IL34: variants seen among roughly 807,000 people sequenced by gnomAD.
IL34 encodes the protein interleukin 34.
In IL34, 17 loss-of-function variants were observed where a neutral mutation model predicts 25.3. That is an observed-to-expected ratio of 0.67 (90% CI 0.46 to 1.01). IL34 has a LOEUF of 1.01. Among genes scored for constraint, IL34 ranks in the 50% least tolerant of loss-of-function variants. The pLI, the probability that IL34 is intolerant of heterozygous loss-of-function variation, is 0.00. For synonymous variants in IL34, 174 were observed against 140.9 expected, an observed-to-expected ratio of 1.23 and a Z score of -1.66; for missense variants, 368 against 312.9, an observed-to-expected ratio of 1.18 and a Z score of -1.33.
intron 1 of IL34, among the ~76,000 whole-genome samples, chr16:70,624,184 A>G (rs1194070732): frequency 1.3e-5 from 2 of 152,006 alleles, no homozygotes; most frequent in Non-Finnish European, 2.9e-5. Context: ...GACGCGGCTT[A>G]GGAGGAATCC....
At chr16:70,639,928 A>G (rs573576329) in intron 1 of IL34, among the ~76,000 whole-genome samples, 1 of 152,176 alleles carries the variant, frequency 6.6e-6, no homozygotes, top group East Asian at 1.9e-4. Context: ...TCTGCACTCC[A>G]GCCTGGGTGA....
chr16:70,590,053 C>T (rs936119402), intron 1 of IL34, among the ~76,000 whole-genome samples: 20 of 152,196 alleles, frequency 1.3e-4, no homozygotes, highest in African/African-American at 4.6e-4. Context: ...TTTCTGCCTT[C>T]GGGGAGGTGT....
In IL34 at chr16:70,660,391, C is replaced by T. The variant is rs7206831; in HGVS notation, c.*204C>T. ...ATAGCTGTCATGGCCTCACCTGGAG[C>T]GGAGGGGACCTGGGGACCTGAAGGT... On this transcript the variant is annotated 3_prime_UTR_variant, in exon 6 of 6. Coordinates refer to ENST00000288098, the MANE Select transcript of IL34 (RefSeq NM_001393494.1). 5,236 of 511,066 alleles carry T rather than the reference C, an allele frequency of 0.01. 222 individuals carry two copies. The highest frequency in any genetic ancestry group is 0.093 in the African/African-American group (4,776 of 51,228). 31.7% of individuals were successfully genotyped at this position (511,066 alleles called of 1,614,324 possible).
intron 1 of IL34, among the ~76,000 whole-genome samples, chr16:70,580,904 T>C (rs1309220685): frequency 6.6e-6 from 1 of 152,148 alleles, no homozygotes; most frequent in Non-Finnish European, 1.5e-5. Flanking sequence ...GTGTTCTGCT[T>C]TTAAACTTTG....
upstream of IL34, among the ~76,000 whole-genome samples, chr16:70,644,810 AAGGAGGAAGGG>A (rs1409543335): frequency 1.5e-5 from 2 of 134,078 alleles, no homozygotes; most frequent in Admixed American, 1.5e-4. Flanking sequence ...GAGGAATGAA[AAGGAGGAAGGG>A]AGGAGGAAGG....
intron 1 of IL34, among the ~76,000 whole-genome samples, chr16:70,650,584 A>G (rs1439722495): frequency 6.6e-6 from 1 of 152,220 alleles, no homozygotes; most frequent in Non-Finnish European, 1.5e-5. Flanking sequence ...CCCAGTGTGG[A>G]CAGAGGTACT....
intron 1 of IL34, among the ~76,000 whole-genome samples, chr16:70,599,652 C>T (rs1163825902): frequency 1.3e-5 from 2 of 150,002 alleles, no homozygotes; most frequent in Non-Finnish European, 3.0e-5. Flanking sequence ...GCTGGGATTA[C>T]AGGAATGAAC....
At chr16:70,650,917 T>C (rs2052061888) in intron 1 of IL34, among the ~76,000 whole-genome samples, 1 of 152,220 alleles carries the variant, frequency 6.6e-6, no homozygotes, top group Non-Finnish European at 1.5e-5. Context: ...GTGCAGTGTT[T>C]AACTGCGTTA....
chr16:70,623,598 A>T lies in IL34; in HGVS notation c.-400-22950A>T, dbSNP rs189948887. Among the ~76,000 whole-genome samples the T allele has an allele frequency of 2.5e-3, 387 of 152,160 alleles. 11 individuals carry two copies. The highest frequency in any genetic ancestry group is 0.024 in the Admixed American group (360 of 15,280). ...ATGAGATGGTAAGGGGTGCATGATC[A>T]GTCGCCAAGGAGGGAGTAGAGGTAT... On this transcript the variant is annotated intron_variant, in intron 1 of 6. Coordinates refer to the IL34 transcript ENST00000429149.
intron 1 of IL34, 87 bp from the exon 2 acceptor site, chr16:70,654,450 GA>G: frequency 6.7e-7 from 1 of 1,493,150 alleles, no homozygotes; most frequent in Non-Finnish European, 9.0e-7. Flanking sequence ...TATGCAAATG[GA>G]TGATGGTTGT....
intron 1 of IL34, among the ~76,000 whole-genome samples, chr16:70,634,000 A>G (rs976928422): frequency 6.6e-6 from 1 of 151,936 alleles, no homozygotes; most frequent in East Asian, 1.9e-4. Context: ...ACAGGCGTGC[A>G]CCACCACGCC....
At chr16:70,632,711 GTTTT>G (rs1228373827) in intron 1 of IL34, among the ~76,000 whole-genome samples, 7 of 152,098 alleles carry the variant, frequency 4.6e-5, no homozygotes, top group Admixed American at 6.6e-5. Context: ...AGAAGGGACA[GTTTT>G]TTTGTGACAG....
intron 5 of IL34, 98 bp downstream of exon 5, chr16:70,659,851 C>G (rs1412074275): frequency 4.0e-6 from 6 of 1,499,342 alleles, no homozygotes; most frequent in Non-Finnish European, 5.4e-6. Context: ...CGGGCATATC[C>G]TCTGCTCCCC....
intron 1 of IL34, among the ~76,000 whole-genome samples, chr16:70,621,871 A>T (rs1313566335): frequency 1.3e-5 from 2 of 151,940 alleles, no homozygotes; most frequent in Non-Finnish European, 2.9e-5. Context: ...AAGGACTTTC[A>T]CAAGGTAATG....
intron 1 of IL34, among the ~76,000 whole-genome samples, chr16:70,603,870 C>T (rs2050957906): frequency 6.6e-6 from 1 of 152,222 alleles, no homozygotes; most frequent in Admixed American, 6.5e-5. Flanking sequence ...GTGTGCACCA[C>T]TGCACCTGCC....
chr16:70,602,179 C>G (rs754684768), intron 1 of IL34, among the ~76,000 whole-genome samples: 23 of 152,186 alleles, frequency 1.5e-4, no homozygotes, highest in Non-Finnish European at 2.9e-4. Flanking sequence ...CTCCTTTGGC[C>G]TCACAATCAG....
intron 1 of IL34, among the ~76,000 whole-genome samples, chr16:70,609,802 GTCACT>G: frequency 6.6e-6 from 1 of 152,192 alleles, no homozygotes; most frequent in South Asian, 2.1e-4. Context: ...GGCTGGCATG[GTCACT>G]GTGCCTCTTG....
intron 1 of IL34, among the ~76,000 whole-genome samples, chr16:70,595,492 A>C (rs983954124): frequency 3.3e-5 from 5 of 151,396 alleles, no homozygotes; most frequent in Non-Finnish European, 5.9e-5. Context: ...GCTAATTTTT[A>C]TTTTTAATAG....
At chr16:70,618,234 A>T (rs1175172410) in intron 1 of IL34, among the ~76,000 whole-genome samples, 3 of 151,990 alleles carry the variant, frequency 2.0e-5, no homozygotes, top group African/African-American at 7.3e-5. Context: ...TCCATCAATA[A>T]ATCAAGCGTG....
Sources: allele counts gnomAD v4.1 joint callset (sites outside exome capture counted in the v4.1 genomes callset), GRCh38; gene constraint gnomAD v4.1.1; transcripts MANE v1.5; gene names NCBI Gene and HGNC (gene_info 2026-07-23, HGNC 2026-07-21).